Variants in ZNF780B observed in about 807,000 individuals in gnomAD.
ZNF780B encodes the protein zinc finger protein 779.
ZNF780B carries 52 observed loss-of-function variants against 74.1 expected under a neutral mutation model. That is an observed-to-expected ratio of 0.70 (90% confidence interval 0.56 to 0.88). The LOEUF is 0.88. Among genes scored for constraint, ZNF780B ranks in the 40% least tolerant of loss-of-function variants. ZNF780B has a pLI of 0.00. For synonymous variants in ZNF780B, 315 were observed against 324.3 expected, an observed-to-expected ratio of 0.97 and a Z score of 0.31; for missense variants, 953 against 1,007.6, an observed-to-expected ratio of 0.95 and a Z score of 0.73.
chr19:40,040,858 C>G (rs955849486), intron 4 of ZNF780B, among the ~76,000 whole-genome samples: 14 of 152,150 alleles, frequency 9.2e-5, no homozygotes, highest in African/African-American at 2.7e-4. Flanking sequence ...TTTCAAAAGA[C>G]CAGCTCCTGG....
Position 40,047,833 on chromosome 19 carries a change from A to C in ZNF780B, c.137-363T>G, listed in dbSNP as rs931517795. ...CCCAACTCTAAAACAGAAATATAAT[A>C]ATGCCTGTTTTATAGGATTGATACT... On this transcript the variant is annotated intron_variant, in intron 3 of 4. Transcript: ENST00000434248. Among the ~76,000 whole-genome samples the C allele has an allele frequency of 1.2e-4, 19 of 152,266 alleles. 1 individual carries two copies. Among genetic ancestry groups the C allele is most frequent in the African/African-American group, 4.6e-4 (19 of 41,552 alleles).
At chr19:40,041,553 AG>A (rs1345169532) in intron 4 of ZNF780B, among the ~76,000 whole-genome samples, 6 of 152,106 alleles carry the variant, frequency 3.9e-5, no homozygotes, top group Non-Finnish European at 8.8e-5. Flanking sequence ...GTCTCTTTGT[AG>A]GTCACTCAGG....
chr19:40,036,333 A>C lies in ZNF780B; in HGVS notation c.526T>G (p.Cys176Gly), dbSNP rs1232716910. 6.2e-7 allele frequency: 1 copy of C among 1,613,818 alleles called. No homozygotes were observed. The highest frequency in any genetic ancestry group is 8.5e-7 in the Non-Finnish European group (1 of 1,179,928). Residue 176 changes from cysteine (C) to glycine (G), a missense_variant, in exon 5 of 5, where the codon TGT becomes GGT. Physicochemically the swap from Cys to Gly is radical, Grantham distance 159. Transcript: ENST00000434248. ...ECKECGKYFSCGSNLIQHQSI... is the reference protein window; with the variant it reads ...ECKECGKYFSGGSNLIQHQSI... ...TGATGCTGAATAAGATTTGAACCAC[A>C]ACTAAAGTATTTCCCACATTCCTTA...
At chr19:40,045,854 G>A (rs1972910001) in intron 4 of ZNF780B, among the ~76,000 whole-genome samples, 1 of 152,158 alleles carries the variant, frequency 6.6e-6, no homozygotes, top group African/African-American at 2.4e-5. Flanking sequence ...CAGGCGTGGT[G>A]GCAGGCACCT....
In ZNF780B at chr19:40,029,406, A is replaced by G. The variant is rs1395853954; in HGVS notation, c.*4951T>C. 1 of 154,852 alleles carries G rather than the reference A, an allele frequency of 6.5e-6. No individual in the cohort carries two copies. The highest frequency in any genetic ancestry group is 1.5e-5 in the Non-Finnish European group (1 of 68,234). 9.6% of individuals were successfully genotyped at this position (154,852 alleles called of 1,614,324 possible). A position where few individuals can be genotyped will look rare whatever the true frequency, so the allele number is the denominator to read the frequency against. ...CAATATCTCCAAAAATGGGAGGCAGATTAATGTATCATTTCAGCCAGGCCT... is the reference window on the plus strand; with the variant it reads ...CAATATCTCCAAAAATGGGAGGCAGGTTAATGTATCATTTCAGCCAGGCCT... On this transcript the variant is annotated 3_prime_UTR_variant, in exon 5 of 5. Coordinates refer to ENST00000434248, the MANE Select transcript of ZNF780B (RefSeq NM_001005851.3).
At chr19:40,046,611 C>T (rs964215383) in intron 4 of ZNF780B, among the ~76,000 whole-genome samples, 2 of 152,206 alleles carry the variant, frequency 1.3e-5, no homozygotes, top group African/African-American at 2.4e-5. Context: ...AGACAGGTAC[C>T]CTAAGCACCC....
chr19:40,035,451 C>T lies in ZNF780B; in HGVS notation c.1408G>A (p.Gly470Arg). The T allele has an allele frequency of 6.2e-7, 1 of 1,614,116 alleles. No individual in the cohort carries two copies. Among genetic ancestry groups the T allele is most frequent in the Non-Finnish European group, 8.5e-7 (1 of 1,180,014 alleles). The change falls in exon 5 of 5, where the codon GGG becomes AGG. Residue 470 changes from glycine (G) to arginine (R), a missense_variant. Coordinates refer to ENST00000434248, the MANE Select transcript of ZNF780B (RefSeq NM_001005851.3). ...CATTCTTTACATTCAAAGGGTTTCC[C>T]ACCAGTATGAATTTGGCAATGTTGA... ...LIQHCQIHTG[G>R]KPFECKECGK...
At position 40,028,395 on chromosome 19, in the gene ZNF780B, T is replaced by C. The variant is rs375503846; in HGVS notation, c.*5962A>G. On this transcript the variant is annotated 3_prime_UTR_variant, in exon 5 of 5. Coordinates refer to ENST00000434248, the MANE Select transcript of ZNF780B (RefSeq NM_001005851.3). The stretch of plus-strand genomic sequence containing the variant: ...TCATCTCATTCTGGAGAATCATAGA[T>C]GTGGCAGAAATACATATTCTTGAAG... The C allele has an allele frequency of 3.0e-4, 46 of 152,250 alleles. No individual in the cohort carries two copies. Among genetic ancestry groups the C allele is most frequent in the African/African-American group, 1.1e-3 (44 of 41,554 alleles). The allele number at this position is 152,250 out of a possible 1,614,324, so 9.4% of individuals were successfully genotyped here.
chr19:40,037,893 T>C (rs1313545353), intron 4 of ZNF780B, among the ~76,000 whole-genome samples: 2 of 149,542 alleles, frequency 1.3e-5, no homozygotes, highest in East Asian at 1.9e-4. Context: ...TTTTTTTCTG[T>C]TTATATATAT....
rs1972153925 is a variant in ZNF780B, at chr19:40,034,715, T to C, written c.2144A>G (p.His715Arg). ...TTTCTCACCAGTATGAATTCGGTAA[T>C]GTTCAGTAAGCTGGTAATGATATCT... is the stretch of plus-strand genomic sequence containing the variant. ...TFRYHYQLTE[H>R]YRIHTGEKPF... Residue 715 changes from histidine to arginine, a missense_variant, in exon 5 of 5, where the codon CAT becomes CGT. By Grantham distance (29) the His-to-Arg change is conservative (BLOSUM62 0). Coordinates refer to ENST00000434248, the MANE Select transcript of ZNF780B (RefSeq NM_001005851.3). 6.2e-7 allele frequency: 1 copy of C among 1,614,098 alleles called. No homozygotes were observed. The highest frequency in any genetic ancestry group is 8.5e-7 in the Non-Finnish European group (1 of 1,179,998).
Position 40,029,039 on chromosome 19 carries a change from C to T in ZNF780B, c.*5318G>A, listed in dbSNP as rs1249736400. 6.6e-6 allele frequency: 1 copy of T among 152,106 alleles called. No homozygotes were observed. Among genetic ancestry groups the T allele is most frequent in the Non-Finnish European group, 1.5e-5 (1 of 68,016 alleles). The allele number at this position is 152,106 out of a possible 1,614,324, so 9.4% of individuals were successfully genotyped here. A position where few individuals can be genotyped will look rare whatever the true frequency, so the allele number is the denominator to read the frequency against. On this transcript the variant is annotated 3_prime_UTR_variant, in exon 5 of 5. Coordinates refer to ENST00000434248, the MANE Select transcript of ZNF780B (RefSeq NM_001005851.3). The stretch of plus-strand genomic sequence containing the variant: ...AAGCAGGGTAGAATGGATATGCGGG[C>T]CTAATAAATAACAGATCCTGACCCA...
intron 4 of ZNF780B, among the ~76,000 whole-genome samples, chr19:40,036,972 A>C (rs925983171): frequency 2.0e-5 from 3 of 151,668 alleles, no homozygotes; most frequent in Non-Finnish European, 4.4e-5. Flanking sequence ...GCAATGGCAC[A>C]ATCTCAGCTC....
intron 4 of ZNF780B, among the ~76,000 whole-genome samples, chr19:40,039,507 T>A (rs901277574): frequency 3.3e-5 from 5 of 151,966 alleles, no homozygotes; most frequent in African/African-American, 1.2e-4. Flanking sequence ...TTGGGCAGTA[T>A]GGCCATTTTC....
At chr19:40,049,844 C>G (rs1973125982) in intron 2 of ZNF780B, among the ~76,000 whole-genome samples, 1 of 152,148 alleles carries the variant, frequency 6.6e-6, no homozygotes, top group Non-Finnish European at 1.5e-5. Context: ...ATAGGAAGAG[C>G]ACTGACTTTT....
At chr19:40,052,552 G>A (rs1973280899) in intron 1 of ZNF780B, among the ~76,000 whole-genome samples, 1 of 151,560 alleles carries the variant, frequency 6.6e-6, no homozygotes, top group Admixed American at 6.6e-5. Context: ...AAGAATTTCA[G>A]TCCTACATTC....
At chr19:40,054,448 T>C (rs529120425) in intron 1 of ZNF780B, among the ~76,000 whole-genome samples, 177 of 152,344 alleles carry the variant, frequency 1.2e-3, no homozygotes, top group African/African-American at 4.1e-3. Flanking sequence ...TTAGCTAGAT[T>C]TAGTCATTCC....
intron 4 of ZNF780B, among the ~76,000 whole-genome samples, chr19:40,038,113 G>A (rs946945151): frequency 3.3e-5 from 5 of 151,576 alleles, no homozygotes; most frequent in Admixed American, 2.6e-4. Context: ...CCCTTCCTGT[G>A]TCCATATGTT....
Position 40,030,583 on chromosome 19 carries a change from T to C in ZNF780B, c.*3774A>G, listed in dbSNP as rs1971969339. On this transcript the variant is annotated 3_prime_UTR_variant, in exon 5 of 5. Transcript: ENST00000434248. Reference sequence around the variant, plus strand: ...CATTTTAAGTTGGGGATTACAGGCGTGAGCCACCGTGCCTGGCCGTGATTT... The same window carrying C: ...CATTTTAAGTTGGGGATTACAGGCGCGAGCCACCGTGCCTGGCCGTGATTT... 6.6e-6 allele frequency: 1 copy of C among 152,264 alleles called. No individual in the cohort carries two copies. Among genetic ancestry groups the C allele is most frequent in the Non-Finnish European group, 1.5e-5 (1 of 68,050 alleles). The allele number at this position is 152,264 out of a possible 1,614,324, so 9.4% of individuals were successfully genotyped here. A position where few individuals can be genotyped will look rare whatever the true frequency, so the allele number is the denominator to read the frequency against.
intron 4 of ZNF780B, among the ~76,000 whole-genome samples, chr19:40,039,309 C>T (rs1362674955): frequency 6.6e-6 from 1 of 152,202 alleles, no homozygotes; most frequent in African/African-American, 2.4e-5. Context: ...GTTTTGGTTA[C>T]TGTAGCCTTG....
Sources: gnomAD v4.1 joint callset for allele counts (sites outside exome capture counted in the v4.1 genomes callset) on GRCh38, gnomAD v4.1.1 for gene constraint, MANE v1.5 for transcripts, NCBI Gene and HGNC (gene_info 2026-07-23, HGNC 2026-07-21) for gene names.